The following C6 variants were observed in gnomAD, a reference collection of about 807,000 sequenced individuals.
The protein encoded by C6 is complement component C6.
Under a neutral mutation model 112.9 loss-of-function variants are expected in C6, and 101 were observed. The ratio of observed to expected loss-of-function variants is 0.89; its 90% CI spans 0.76 to 1.06. The LOEUF (loss-of-function observed/expected upper bound fraction) is 1.06, where lower values mean the gene tolerates loss of function less well. Ranked by LOEUF, C6 falls within the 50% of genes least tolerant of loss-of-function variation. The pLI, the probability that C6 is intolerant of heterozygous loss-of-function variation, is 0.00. For missense variants in C6, 1,202 were observed against 1,104.6 expected (o/e 1.09, Z -1.25); for synonymous variants, 431 against 384.1 (o/e 1.12, Z -1.43).
chr5:41,199,626 G>A, intron 4 of C6, 142 bp downstream of exon 4: 1 of 850,978 alleles, frequency 1.2e-6, no homozygotes, highest in East Asian at 2.5e-5. Context: ...TTGGGAATTG[G>A]CAGCATAACA....
chr5:41,214,403 A>G (rs1752116869), upstream of C6, among the ~76,000 whole-genome samples: 1 of 152,154 alleles, frequency 6.6e-6, no homozygotes, highest in Non-Finnish European at 1.5e-5. Context: ...CTGGGAACCC[A>G]CCACTCAAAG....
At chr5:41,208,851 A>C (rs997251215) in intron 1 of C6, among the ~76,000 whole-genome samples, 1 of 152,100 alleles carries the variant, frequency 6.6e-6, no homozygotes, top group Non-Finnish European at 1.5e-5. Context: ...AAAAGAGGGA[A>C]TCCTCCCTAA....
chr5:41,207,609 C>T (rs546346757), intron 1 of C6, among the ~76,000 whole-genome samples: 10 of 152,196 alleles, frequency 6.6e-5, no homozygotes, highest in Admixed American at 4.6e-4. Flanking sequence ...TTTAAACCAA[C>T]AAAGATCAAA....
chr5:41,170,158 C>G (rs1748307728), intron 9 of C6, among the ~76,000 whole-genome samples: 1 of 151,916 alleles, frequency 6.6e-6, no homozygotes, highest in Non-Finnish European at 1.5e-5. Flanking sequence ...ACTGAGATCT[C>G]TTTTTCACGG....
chr5:41,233,459 A>G (rs910584076), intron 1 of C6, among the ~76,000 whole-genome samples: 1 of 152,116 alleles, frequency 6.6e-6, no homozygotes, highest in Non-Finnish European at 1.5e-5. Context: ...CTTTTTCACT[A>G]TAGATGGAGA....
At chr5:41,152,700 G>C (rs1200604724) in intron 15 of C6, 1 of 152,174 alleles carries the variant, frequency 6.6e-6, no homozygotes, top group East Asian at 1.9e-4. Flanking sequence ...TATCCTTCCG[G>C]TAAGGCTTTA....
rs1478197884 is a variant in C6 at position 41,236,184 on chromosome 5, T to A, written c.-21+25010A>T. Among the ~76,000 whole-genome samples, 111 of 105,424 alleles carry A rather than the reference T, an allele frequency of 1.1e-3. 1 individual carries two copies. Among genetic ancestry groups the A allele is most frequent in the African/African-American group, 4.1e-3 (106 of 25,740 alleles). The allele number at this position is 105,424 out of a possible 152,430, so 69.2% of individuals were successfully genotyped here. On this transcript the variant is annotated intron_variant, in intron 1 of 17. Transcript: ENST00000263413. ...ATGTCCTGAATGGTAATGCCTAGGT[T>A]TTCTTCTAGGGTTTTTATGGTTTTA... is the stretch of plus-strand genomic sequence containing the variant.
intron 17 of C6, among the ~76,000 whole-genome samples, chr5:41,144,714 A>G (rs1250574702): frequency 6.6e-6 from 1 of 152,132 alleles, no homozygotes; most frequent in Admixed American, 6.6e-5. Flanking sequence ...CATGATGGGT[A>G]GTTTTTTAAT....
rs78787221 is a variant in C6 at position 41,220,912 on chromosome 5, T to A, written c.-20-17662A>T. Among the ~76,000 whole-genome samples, 238 of 152,240 alleles carry A rather than the reference T, an allele frequency of 1.6e-3. 12 individuals are homozygous for A. The East Asian group carries it at 0.044, about 28-fold the overall frequency. On this transcript the variant is annotated intron_variant, in intron 1 of 17. Transcript: ENST00000263413. The stretch of plus-strand genomic sequence containing the variant: ...TATTGCTCTCATCTTTATGTCCATG[T>A]GTGCCCAATGTATAAACAGATTTTT...
chr5:41,259,278 A>G (rs892407748), intron 1 of C6, among the ~76,000 whole-genome samples: 13 of 128,378 alleles, frequency 1.0e-4, no homozygotes, highest in African/African-American at 3.2e-4. Flanking sequence ...TAATGGGGAA[A>G]CAAAGAGTAA....
chr5:41,227,348 A>G (rs1368461968), intron 1 of C6, among the ~76,000 whole-genome samples: 1 of 151,880 alleles, frequency 6.6e-6, no homozygotes, highest in African/African-American at 2.4e-5. Flanking sequence ...TACATTTTGC[A>G]TATAAACTCT....
intron 15 of C6, among the ~76,000 whole-genome samples, chr5:41,151,933 T>C (rs1746435513): frequency 6.6e-6 from 1 of 151,114 alleles, no homozygotes; most frequent in Non-Finnish European, 1.5e-5. Context: ...CTTACAAGAA[T>C]CAGTGGAGAA....
intron 17 of C6, 136 bp downstream of exon 17, chr5:41,149,105 A>C: frequency 8.7e-7 from 1 of 1,150,666 alleles, no homozygotes; most frequent in Non-Finnish European, 1.3e-6. Flanking sequence ...TTTCTGTTTA[A>C]ATCATTTTAT....
At chr5:41,233,877 T>C (rs28497895) in intron 1 of C6, among the ~76,000 whole-genome samples, 17,059 of 152,080 alleles carry the variant, frequency 0.11, 1,928 homozygotes, top group African/African-American at 0.29. Flanking sequence ...TTAGTTCTTT[T>C]ATAAAAGTTT....
At position 41,149,161 on chromosome 5, in the gene C6, G is replaced by T. The variant is rs933216829; in HGVS notation, c.2623+80C>A. On this transcript the variant is annotated intron_variant, in intron 17 of 17. Transcript: ENST00000337836. Reference sequence around the variant, plus strand: ...AGGAATTATTTTTGATTAAGGATAGGTTATTTTTAAGAAAGATGATGTACT... The same window carrying T: ...AGGAATTATTTTTGATTAAGGATAGTTTATTTTTAAGAAAGATGATGTACT... 10 of 1,506,770 alleles carry T rather than the reference G, an allele frequency of 6.6e-6. No individual in the cohort carries two copies. In the East Asian group the frequency reaches 2.0e-4, roughly 31 times the overall value. The allele number at this position is 1,506,770 out of a possible 1,614,324, so 93.3% of individuals were successfully genotyped here.
rs534539606 is a variant in C6, at chr5:41,220,436, T to C, written c.-20-17186A>G. Among the ~76,000 whole-genome samples the C allele has an allele frequency of 3.3e-5, 5 of 152,192 alleles. No homozygotes were observed. The South Asian group carries it at 1.0e-3, about 31-fold the overall frequency. ...TGTTCTTTATTTTAATCTTCCAGTATTCCCTAGCTCCCTCAAACCATCCTG... is the reference window on the plus strand; with the variant it reads ...TGTTCTTTATTTTAATCTTCCAGTACTCCCTAGCTCCCTCAAACCATCCTG... On this transcript the variant is annotated intron_variant, in intron 1 of 17. Transcript: ENST00000263413.
chr5:41,227,945 A>G (rs2150410385), intron 1 of C6, among the ~76,000 whole-genome samples: 1 of 152,128 alleles, frequency 6.6e-6, no homozygotes, highest in South Asian at 2.1e-4. Flanking sequence ...TTACTTTGCT[A>G]TTTGAGGCAT....
chr5:41,252,965 A>T (rs2150439915), intron 1 of C6, among the ~76,000 whole-genome samples: 1 of 152,162 alleles, frequency 6.6e-6, no homozygotes, highest in Middle Eastern at 3.4e-3. Context: ...TAACTCAACC[A>T]CCTTGGGCAC....
chr5:41,254,105 A>C (rs554800512), intron 1 of C6, among the ~76,000 whole-genome samples: 1 of 152,218 alleles, frequency 6.6e-6, no homozygotes, highest in Non-Finnish European at 1.5e-5. Flanking sequence ...TACATAGAAA[A>C]GAAAGAATAG....
Sources: gnomAD v4.1 joint callset for allele counts (sites outside exome capture counted in the v4.1 genomes callset) on GRCh38, gnomAD v4.1.1 for gene constraint, MANE v1.5 for transcripts, NCBI Gene and HGNC (gene_info 2026-07-23, HGNC 2026-07-21) for gene names.